Variants in BNIP5 observed in about 807,000 individuals in gnomAD.
The protein encoded by BNIP5 is protein BNIP5.
Under a neutral mutation model 67.3 loss-of-function variants are expected in BNIP5, and 61 were observed. The ratio of observed to expected loss-of-function variants is 0.91; its 90% confidence interval spans 0.74 to 1.12. The LOEUF (loss-of-function observed/expected upper bound fraction) is 1.12. Among genes scored for constraint, BNIP5 ranks in the 50% most tolerant of loss-of-function variants. The pLI is 0.00. For missense variants in BNIP5, 826 were observed against 816.3 expected (o/e 1.01, Z -0.14); for synonymous variants, 317 against 319.0 (o/e 0.99, Z 0.07).
rs1771513881 is a variant in BNIP5, at chr6:36,316,325, A to G, written c.*1031T>C. The G allele has an allele frequency of 1.0e-5, 4 of 395,976 alleles. No individual in the cohort carries two copies. In the South Asian group the frequency reaches 5.7e-4, roughly 57 times the overall value. The allele number at this position is 395,976 out of a possible 1,614,324, so 24.5% of individuals were successfully genotyped here. On this transcript the variant is annotated 3_prime_UTR_variant, in exon 12 of 12. Coordinates refer to ENST00000437635, the MANE Select transcript of BNIP5 (RefSeq NM_001010903.5). ...GCACATAGATATGAACATGTGGCAA[A>G]TTTCACACCTGAGTCAAGCTATTGA...
intron 7 of BNIP5, 98 bp from the exon 8 acceptor site, chr6:36,323,631 G>A: frequency 3.6e-6 from 5 of 1,380,066 alleles, no homozygotes; most frequent in Non-Finnish European, 5.0e-6. Context: ...AGCAGGCGTT[G>A]CCCAGAGAAG....
intron 1 of BNIP5, among the ~76,000 whole-genome samples, chr6:36,335,812 A>G (rs1169571516): frequency 6.6e-6 from 1 of 151,900 alleles, no homozygotes; most frequent in Non-Finnish European, 1.5e-5. Flanking sequence ...GAGAGCTGAG[A>G]CTCTCCCACT....
rs893482693 is a variant in BNIP5 at position 36,316,099 on chromosome 6, C to T, written c.*1257G>A. Reference sequence around the variant, plus strand: ...TTGGAGGCCAGTCCCATATAAGCACCCAGGGCCTCTCCGCTCTAGACTGCT... The same window carrying T: ...TTGGAGGCCAGTCCCATATAAGCACTCAGGGCCTCTCCGCTCTAGACTGCT... On this transcript the variant is annotated 3_prime_UTR_variant, in exon 12 of 12. Coordinates refer to ENST00000437635, the MANE Select transcript of BNIP5 (RefSeq NM_001010903.5). The T allele has an allele frequency of 1.2e-5, 2 of 160,996 alleles. No homozygotes were observed. The highest frequency in any genetic ancestry group is 2.7e-5 in the Non-Finnish European group (2 of 74,228). 10.0% of individuals were successfully genotyped at this position (160,996 alleles called of 1,614,324 possible).
At chr6:36,321,776 C>T (rs931045398) in intron 9 of BNIP5, among the ~76,000 whole-genome samples, 3 of 152,212 alleles carry the variant, frequency 2.0e-5, no homozygotes, top group Non-Finnish European at 2.9e-5. Context: ...GGCGCGATCT[C>T]GCCTCACTGC....
rs1359373321 is a variant in BNIP5, at chr6:36,330,454, C to T, written c.237G>A (p.Glu79=). ...HCTTAAAPTP[E]ETGDFLPSEQ... The stretch of plus-strand genomic sequence containing the variant: ...CGCTGGGGAGAAAATCTCCGGTCTC[C>T]TCGGGAGTGGGGGCTGCAGCGGTGG... Residue 79 remains glutamate, a synonymous_variant, in exon 2 of 12, where the codon GAG becomes GAA. Transcript: ENST00000437635. 3.7e-6 allele frequency: 6 copies of T among 1,614,088 alleles called. No homozygotes were observed. In the East Asian group the frequency reaches 1.1e-4, roughly 30 times the overall value.
chr6:36,323,408 T>C lies in BNIP5; in HGVS notation c.1356A>G (p.Glu452=). The change falls in exon 8 of 12, where the codon GAA becomes GAG. Residue 452 remains glutamate, a synonymous_variant. Transcript: ENST00000437635. ...AFYHKKHTSK[E]PRRAGAAGAA... ...CCCCTGCTGCCCCCGCTCTTCTGGGTTCCTTGGAGGTGTGTTTCTTATGGT... is the reference window on the plus strand; with the variant it reads ...CCCCTGCTGCCCCCGCTCTTCTGGGCTCCTTGGAGGTGTGTTTCTTATGGT... 1 of 1,614,280 alleles carries C rather than the reference T, an allele frequency of 6.2e-7. No homozygotes were observed. The highest frequency in any genetic ancestry group is 8.5e-7 in the Non-Finnish European group (1 of 1,180,048).
Position 36,323,456 on chromosome 6 carries a change from C to G in BNIP5, c.1308G>C (p.Arg436Ser), listed in dbSNP as rs1276772379. The G allele has an allele frequency of 6.2e-7, 1 of 1,614,136 alleles. No homozygotes were observed. Among genetic ancestry groups the G allele is most frequent in the African/African-American group, 1.3e-5 (1 of 74,950 alleles). The change falls in exon 8 of 12, where the codon AGG becomes AGC. Residue 436 changes from arginine (R) to serine (S), a missense_variant. By Grantham distance (110) the Arg-to-Ser change is moderately radical. Transcript: ENST00000437635. ...GGTAAAACGCTCTCCTGAAGCTCGACCTTTTTTCTTGAGATTTCCTTCTGC... is the reference window on the plus strand; with the variant it reads ...GGTAAAACGCTCTCCTGAAGCTCGAGCTTTTTTCTTGAGATTTCCTTCTGC... ...PHCRRKSQEK[R>S]SSFRRAFYHK...
At chr6:36,319,206 C>A in intron 11 of BNIP5, 150 bp downstream of exon 11, 1 of 783,478 alleles carries the variant, frequency 1.3e-6, no homozygotes, top group Non-Finnish European at 2.0e-6. Flanking sequence ...CTCAGAAGGC[C>A]TCAGTGAGGA....
rs1345367012 is a variant in BNIP5, at chr6:36,322,515, G to A, written c.1472-73C>T. 5 of 1,516,896 alleles carry A rather than the reference G, an allele frequency of 3.3e-6. No individual in the cohort carries two copies. In the Admixed American group the frequency reaches 7.3e-5, roughly 22 times the overall value. The allele number at this position is 1,516,896 out of a possible 1,614,324, so 94.0% of individuals were successfully genotyped here. A position where few individuals can be genotyped will look rare whatever the true frequency, so the allele number is the denominator to read the frequency against. On this transcript the variant is annotated intron_variant, in intron 8 of 11. Transcript: ENST00000437635. ...AGTTCCTGACAAGAAGCTGTTCGGA[G>A]GCACAGGCATAAGCAGGGGCTGGTT...
Position 36,316,585 on chromosome 6 carries a change from T to G in BNIP5, c.*771A>C, listed in dbSNP as rs572201489. On this transcript the variant is annotated 3_prime_UTR_variant, in exon 12 of 12. Transcript: ENST00000437635. ...ATGGCAGTCCAGCCCATTGAAGCCCTCCTCCACTTCCTGAAAACTACCCAA... is the reference window on the plus strand; with the variant it reads ...ATGGCAGTCCAGCCCATTGAAGCCCGCCTCCACTTCCTGAAAACTACCCAA... 12 of 398,582 alleles carry G rather than the reference T, an allele frequency of 3.0e-5. No individual in the cohort carries two copies. Among genetic ancestry groups the G allele is most frequent in the Non-Finnish European group, 5.3e-5 (12 of 226,126 alleles). 24.7% of individuals were successfully genotyped at this position (398,582 alleles called of 1,614,324 possible).
intron 1 of BNIP5, among the ~76,000 whole-genome samples, chr6:36,332,580 G>A (rs929452264): frequency 2.6e-5 from 4 of 152,156 alleles, no homozygotes; most frequent in African/African-American, 4.8e-5. Context: ...GGCACAACAC[G>A]TAAGGTATCT....
intron 3 of BNIP5, among the ~76,000 whole-genome samples, chr6:36,328,348 A>T (rs1771809405): frequency 6.6e-6 from 1 of 152,216 alleles, no homozygotes. Context: ...AAGACTAAGA[A>T]AAGTTCCGTT....
intron 1 of BNIP5, among the ~76,000 whole-genome samples, chr6:36,333,999 GC>G (rs1408209027): frequency 3.3e-5 from 5 of 152,172 alleles, no homozygotes; most frequent in Non-Finnish European, 7.3e-5. Flanking sequence ...GAGGACCGGC[GC>G]TTCCTTACCC....
At chr6:36,324,593 A>G (rs182792851) in intron 6 of BNIP5, among the ~76,000 whole-genome samples, 1 of 5,626 alleles carries the variant, frequency 1.8e-4, no homozygotes, top group African/African-American at 8.4e-4. Context: ...ATATATATAT[A>G]TATATATATA....
chr6:36,329,567 C>G (rs1771837367), intron 2 of BNIP5, among the ~76,000 whole-genome samples: 1 of 152,028 alleles, frequency 6.6e-6, no homozygotes, highest in African/African-American at 2.4e-5. Context: ...TCCCAGCACA[C>G]TAGGGGGCCA....
chr6:36,323,242 C>G, intron 8 of BNIP5, 51 bp downstream of exon 8: 1 of 1,609,914 alleles, frequency 6.2e-7, no homozygotes, highest in Non-Finnish European at 8.5e-7. Context: ...CACACAGCAG[C>G]CTTGCCCAAG....
At chr6:36,320,041 G>A (rs1771601959) in intron 10 of BNIP5, among the ~76,000 whole-genome samples, 1 of 152,246 alleles carries the variant, frequency 6.6e-6, no homozygotes, top group Non-Finnish European at 1.5e-5. Flanking sequence ...GCTGGGCGGG[G>A]ATTGGAGGGG....
At chr6:36,318,396 ATATGAGAGCTCAGAATTT>A (rs1380322995) in intron 11 of BNIP5, among the ~76,000 whole-genome samples, 1 of 152,096 alleles carries the variant, frequency 6.6e-6, no homozygotes, top group Non-Finnish European at 1.5e-5. Context: ...CCACCAGAAA[ATATGAGAGCTCAGAATTT>A]TTAAAAAATC....
intron 10 of BNIP5, among the ~76,000 whole-genome samples, chr6:36,320,161 C>T (rs1771604476): frequency 6.6e-6 from 1 of 152,208 alleles, no homozygotes; most frequent in Admixed American, 6.5e-5. Flanking sequence ...GCTCCTTTCT[C>T]TTAATAACTA....
Sources: allele counts gnomAD v4.1 joint callset (sites outside exome capture counted in the v4.1 genomes callset), GRCh38; gene constraint gnomAD v4.1.1; transcripts MANE v1.5; gene names NCBI Gene and HGNC (gene_info 2026-07-23, HGNC 2026-07-21).